PCID2: variants seen among roughly 807,000 people sequenced by gnomAD.
The protein encoded by PCID2 is PCI domain-containing protein 2.
PCID2 carries 41 observed loss-of-function variants against 61.3 expected under a neutral mutation model. The observed-to-expected ratio is 0.67, with a 90% CI of 0.52 to 0.87. The LOEUF (loss-of-function observed/expected upper bound fraction) is 0.87. Ranked by LOEUF, PCID2 falls within the 40% of genes least tolerant of loss-of-function variation. The pLI is 0.00. For synonymous variants in PCID2, 187 were observed against 177.8 expected (o/e 1.05, Z -0.41); for missense variants, 392 against 493.4 (o/e 0.79, Z 1.95).
chr13:113,198,704 CATAA>C lies in PCID2; in HGVS notation c.127-444_127-441del, dbSNP rs530661772. Among the ~76,000 whole-genome samples, 787 of 151,918 alleles carry C rather than the reference CATAA, an allele frequency of 5.2e-3. 5 individuals are homozygous for C. The highest frequency in any genetic ancestry group is 0.024 in the Middle Eastern group (7 of 294). On this transcript the variant is annotated intron_variant, in intron 2 of 13. Coordinates refer to ENST00000337344, the MANE Select transcript of PCID2 (RefSeq NM_001127202.4). ...TGGGTGACAGAGGGAGACTCTGTCT[CATAA>C]ATAAATAAATAAATAAATGGTTCAT...
rs532925648 is a variant in PCID2 at position 113,208,589 on chromosome 13, T to C, written c.36+10A>G. The C allele has an allele frequency of 8.2e-5, 131 of 1,606,144 alleles. No individual in the cohort carries two copies. The East Asian group carries it at 3.0e-3, about 36-fold the overall frequency. Reference sequence around the variant, plus strand: ...ACCACGCCGCCGCGCGCTCCCCGGCTAGGACCCACCTGCTGCAGGTACTGG... The same window carrying C: ...ACCACGCCGCCGCGCGCTCCCCGGCCAGGACCCACCTGCTGCAGGTACTGG... On this transcript the variant is annotated intron_variant, in intron 1 of 13. Transcript: ENST00000337344.
rs146371746 is a variant in PCID2, at chr13:113,201,594, G to A, written c.37-1078C>T. On this transcript the variant is annotated intron_variant, in intron 1 of 13. Coordinates refer to ENST00000337344, the MANE Select transcript of PCID2 (RefSeq NM_001127202.4). ...TGGGAGGCCGAGGCGGGCAGATCAT[G>A]AGGTCAGAAGATCGAGACCCTCCTG... is the stretch of plus-strand genomic sequence containing the variant. 6.8e-3 allele frequency among the ~76,000 whole-genome samples: 1,038 copies of A among 152,234 alleles called. 14 individuals are homozygous for A. Among genetic ancestry groups the A allele is most frequent in the Non-Finnish European group, 8.6e-3 (583 of 68,014 alleles).
intron 10 of PCID2, 138 bp from the exon 11 acceptor site, chr13:113,180,369 T>C (rs530036062): frequency 4.5e-6 from 3 of 661,970 alleles, no homozygotes; most frequent in East Asian, 2.7e-5. Context: ...AAACACATCA[T>C]AGTACACTAG....
the PCID2 span, chr13:113,172,172 G>A: frequency 6.3e-7 from 1 of 1,578,962 alleles, no homozygotes; most frequent in Non-Finnish European, 8.6e-7. Flanking sequence ...CACTGCCACT[G>A]TGGAGGGCGC....
At position 113,178,159 on chromosome 13, in the gene PCID2, G is replaced by A. The variant is rs766208286; in HGVS notation, c.*39C>T. The stretch of plus-strand genomic sequence containing the variant: ...CTCATCAGCACAACCAAAGTGGAAA[G>A]AAACAACTGCTCACCCGTCCTCGGG... On this transcript the variant is annotated 3_prime_UTR_variant, in exon 14 of 14. Transcript: ENST00000337344. 7.9e-6 allele frequency: 12 copies of A among 1,509,818 alleles called. No homozygotes were observed. The highest frequency in any genetic ancestry group is 1.1e-5 in the Non-Finnish European group (12 of 1,086,334). 93.5% of individuals were successfully genotyped at this position (1,509,818 alleles called of 1,614,324 possible).
At chr13:113,200,620 C>G in intron 1 of PCID2, 104 bp from the exon 2 acceptor site, 1 of 732,344 alleles carries the variant, frequency 1.4e-6, no homozygotes, top group Non-Finnish European at 2.4e-6. Flanking sequence ...TTCATTTTCC[C>G]CTACTTTGAA....
At chr13:113,193,154 G>A (rs2038747815) in intron 6 of PCID2, among the ~76,000 whole-genome samples, 1 of 152,124 alleles carries the variant, frequency 6.6e-6, no homozygotes, top group South Asian at 2.1e-4. Context: ...AATGGACTAA[G>A]ACATGACTAA....
In PCID2 at chr13:113,179,239, A is replaced by T. The variant is rs1040580182; in HGVS notation, c.987-150T>A. The T allele has an allele frequency of 2.0e-6, 1 of 508,620 alleles. No homozygotes were observed. Among genetic ancestry groups the T allele is most frequent in the African/African-American group, 1.9e-5 (1 of 51,370 alleles). 31.5% of individuals were successfully genotyped at this position (508,620 alleles called of 1,614,324 possible). ...AACTCTAAACTACACTCTCAGAGCT[A>T]TTAAATCTAATTTGACTTTTCAATC... On this transcript the variant is annotated intron_variant, in intron 12 of 13. Transcript: ENST00000337344. This position sits in a 1 kb window ranked among gnomAD's most constrained non-coding sequence, Gnocchi z 4.3.
rs2037399998 is a variant in PCID2 at position 113,179,318 on chromosome 13, T to C, written c.987-229A>G. 6.6e-6 allele frequency among the ~76,000 whole-genome samples: 1 copy of C among 152,126 alleles called. No individual in the cohort carries two copies. The highest frequency in any genetic ancestry group is 6.5e-5 in the Admixed American group (1 of 15,276). On this transcript the variant is annotated intron_variant, in intron 12 of 13. Coordinates refer to ENST00000337344, the MANE Select transcript of PCID2 (RefSeq NM_001127202.4). This position sits in a 1 kb window ranked among gnomAD's most constrained non-coding sequence, Gnocchi z 4.3. ...TTTTAATTATTTTCTAAGTATTTCA[T>C]TAAGGTTCGGTTTTTTTTTTCACAT...
chr13:113,178,556 G>A, intron 13 of PCID2: 1 of 412,622 alleles, frequency 2.4e-6, no homozygotes. Context: ...CTCTTCCCTT[G>A]CCGTGATTCC....
chr13:113,187,783 GGTT>G (rs1445247345), intron 7 of PCID2: 1 of 152,104 alleles, frequency 6.6e-6, no homozygotes, highest in Non-Finnish European at 1.5e-5. Context: ...GCTAGGTTAT[GGTT>G]GTTTTTTACT....
intron 6 of PCID2, among the ~76,000 whole-genome samples, chr13:113,194,254 G>A (rs118050163): frequency 3.3e-5 from 5 of 152,150 alleles, no homozygotes; most frequent in South Asian, 2.1e-4. Flanking sequence ...AGGCAGTGAC[G>A]GTCAGAGTTC....
chr13:113,204,117 T>C (rs1164656202), intron 1 of PCID2, among the ~76,000 whole-genome samples: 1 of 152,228 alleles, frequency 6.6e-6, no homozygotes, highest in Non-Finnish European at 1.5e-5. Flanking sequence ...CCCCTGCTTA[T>C]GGTTCCAGGC....
In PCID2 at chr13:113,180,061, C is replaced by T. The variant is rs757253885; in HGVS notation, c.861-19G>A. 25 of 1,613,532 alleles carry T rather than the reference C, an allele frequency of 1.5e-5. No individual in the cohort carries two copies. Among genetic ancestry groups the T allele is most frequent in the East Asian group, 8.9e-5 (4 of 44,864 alleles). On this transcript the variant is annotated intron_variant, in intron 11 of 13. Transcript: ENST00000337344. ...GCCCTCGCTGGTGAGGGGGGAGGCG[C>T]GTCAGAAGGAGGGTGAGTTTCTCAC...
At chr13:113,195,570 C>T (rs1466076684) in intron 5 of PCID2, among the ~76,000 whole-genome samples, 4 of 151,790 alleles carry the variant, frequency 2.6e-5, no homozygotes, top group Non-Finnish European at 2.9e-5. Context: ...CAAGTTTTCA[C>T]GTTAAAAGAT....
chr13:113,192,300 C>T (rs576463), intron 6 of PCID2, among the ~76,000 whole-genome samples: 107,484 of 152,082 alleles, frequency 0.71, 38,726 homozygotes, highest in Middle Eastern at 0.81. Flanking sequence ...TATGAATTTT[C>T]TTAAATCTTG....
At position 113,208,665 on chromosome 13, in the gene PCID2, C is replaced by G. The variant is rs373010760; in HGVS notation, c.-31G>C. The G allele has an allele frequency of 1.7e-4, 272 of 1,597,980 alleles. No individual in the cohort carries two copies. Among genetic ancestry groups the G allele is most frequent in the Middle Eastern group, 6.8e-4 (4 of 5,868 alleles). ...CGCCGCCGAACGGAGAGCGCCACCC[C>G]CTACGCCTCAAGCGGGCCAGCTGGC... On this transcript the variant is annotated 5_prime_UTR_variant, in exon 1 of 14. Coordinates refer to ENST00000337344, the MANE Select transcript of PCID2 (RefSeq NM_001127202.4).
chr13:113,184,324 G>A, intron 9 of PCID2, 22 bp downstream of exon 9: 1 of 1,601,120 alleles, frequency 6.2e-7, no homozygotes, highest in Non-Finnish European at 8.6e-7. Flanking sequence ...AAAATACTGG[G>A]AAAAAAAGAT....
intron 1 of PCID2, among the ~76,000 whole-genome samples, chr13:113,207,829 C>T (rs926756368): frequency 2.0e-5 from 3 of 152,190 alleles, no homozygotes; most frequent in Non-Finnish European, 4.4e-5. Flanking sequence ...TTAACTCCTC[C>T]GTGTCCCTCA....
Sources: gnomAD v4.1 joint callset for allele counts (sites outside exome capture counted in the v4.1 genomes callset) on GRCh38, gnomAD v4.1.1 for gene constraint, Gnocchi (gnomAD v3.1) non-coding constraint, MANE v1.5 for transcripts, NCBI Gene and HGNC (gene_info 2026-07-23, HGNC 2026-07-21) for gene names.